The following DNAJB14 variants were observed in gnomAD, a reference collection of about 807,000 sequenced individuals.
DNAJB14 encodes DnaJ heat shock protein family (Hsp40) member B14.
In DNAJB14, 22 loss-of-function variants were observed where a neutral mutation model predicts 48.4. That is an observed-to-expected ratio of 0.45 (90% CI 0.32 to 0.65). DNAJB14 has a LOEUF of 0.65. Among genes scored for constraint, DNAJB14 ranks in the 30% least tolerant of loss-of-function variants. The pLI is 0.03. For missense variants in DNAJB14, 319 were observed against 458.8 expected (o/e 0.70, Z 2.78); for synonymous variants, 142 against 158.7 (o/e 0.89, Z 0.79).
rs1396164040 is a variant in DNAJB14, at chr4:99,898,691, G to A, written c.*2337C>T. 2 of 151,890 alleles carry A rather than the reference G, an allele frequency of 1.3e-5. No homozygotes were observed. Among genetic ancestry groups the A allele is most frequent in the Admixed American group, 1.3e-4 (2 of 15,248 alleles). The allele number at this position is 151,890 out of a possible 1,614,324, so 9.4% of individuals were successfully genotyped here. On this transcript the variant is annotated 3_prime_UTR_variant, in exon 8 of 8. Coordinates refer to ENST00000442697, the MANE Select transcript of DNAJB14 (RefSeq NM_001031723.4). Reference sequence around the variant, plus strand: ...AGGAGCTAATAAAGCAATATTCAAAGATTGAGGACTTTTAGGTGGTCATTA... The same window carrying A: ...AGGAGCTAATAAAGCAATATTCAAAAATTGAGGACTTTTAGGTGGTCATTA...
At chr4:99,925,220 T>A (rs989701059) in intron 2 of DNAJB14, 1 of 161,264 alleles carries the variant, frequency 6.2e-6, no homozygotes, top group African/African-American at 2.4e-5. Flanking sequence ...ACAATGTAAA[T>A]GCTACGTAAA....
chr4:99,928,667 T>A (rs1726346738), intron 2 of DNAJB14: 2 of 379,304 alleles, frequency 5.3e-6, no homozygotes, highest in Non-Finnish European at 1.1e-5. Context: ...ACACCAGATT[T>A]AGGAGAGTCT....
At chr4:99,926,391 G>A (rs746474047) in intron 2 of DNAJB14, 2 of 152,166 alleles carry the variant, frequency 1.3e-5, no homozygotes, top group African/African-American at 2.4e-5. Flanking sequence ...ATGCTGTCAT[G>A]AAAATGTAGT....
chr4:99,908,182 T>TA (rs1314788980), intron 4 of DNAJB14, among the ~76,000 whole-genome samples: 1 of 148,990 alleles, frequency 6.7e-6, no homozygotes, highest in African/African-American at 2.6e-5. Context: ...ATAGTCTAGT[T>TA]AAAGTTAGCT....
chr4:99,905,579 CTT>C lies in DNAJB14; in HGVS notation c.842+16_842+17del. ...TAGCAACAATTCATTTTTTGTAAAA[CTT>C]CACTTGGCTACTTACGATCTGGGAT... On this transcript the variant is annotated intron_variant, in intron 6 of 7. Transcript: ENST00000442697. The C allele has an allele frequency of 6.3e-7, 1 of 1,581,156 alleles. No homozygotes were observed. Among genetic ancestry groups the C allele is most frequent in the Non-Finnish European group, 8.6e-7 (1 of 1,157,634 alleles).
At position 99,897,398 on chromosome 4, in the gene DNAJB14, T is replaced by C. The variant is rs1725171422; in HGVS notation, c.*3630A>G. 1.3e-5 allele frequency: 2 copies of C among 151,806 alleles called. No homozygotes were observed. Among genetic ancestry groups the C allele is most frequent in the South Asian group, 4.1e-4 (2 of 4,826 alleles). The allele number at this position is 151,806 out of a possible 1,614,324, so 9.4% of individuals were successfully genotyped here. A position where few individuals can be genotyped will look rare whatever the true frequency, so the allele number is the denominator to read the frequency against. On this transcript the variant is annotated 3_prime_UTR_variant, in exon 8 of 8. Coordinates refer to ENST00000442697, the MANE Select transcript of DNAJB14 (RefSeq NM_001031723.4). The stretch of plus-strand genomic sequence containing the variant: ...AAGGAGTATGTTTTGAATTAATGTT[T>C]TGAGGAAAAGTGTTTCCATTTATAT...
intron 2 of DNAJB14, chr4:99,924,854 A>AT (rs780975668): frequency 1.4e-6 from 2 of 1,441,024 alleles, no homozygotes; most frequent in Admixed American, 3.5e-5. Flanking sequence ...ATTTGACTGC[A>AT]TAAAAAACTG....
chr4:99,900,940 A>G lies in DNAJB14; in HGVS notation c.*88T>C, dbSNP rs1725275208. 5 of 1,427,112 alleles carry G rather than the reference A, an allele frequency of 3.5e-6. No homozygotes were observed. The highest frequency in any genetic ancestry group is 2.4e-5 in the East Asian group (1 of 40,968). 88.4% of individuals were successfully genotyped at this position (1,427,112 alleles called of 1,614,324 possible). ...TATTCAGTTTAGTTTTCAGTATCAA[A>G]TCTTTTCCTTCATCCCTCATGATGA... On this transcript the variant is annotated 3_prime_UTR_variant, in exon 8 of 8. Transcript: ENST00000442697.
intron 1 of DNAJB14, among the ~76,000 whole-genome samples, chr4:99,939,253 T>A (rs1294972704): frequency 1.3e-5 from 2 of 152,168 alleles, no homozygotes; most frequent in African/African-American, 2.4e-5. Flanking sequence ...TCCCAGCTAC[T>A]TGGGAGGCTA....
chr4:99,922,899 A>C, intron 3 of DNAJB14, 141 bp downstream of exon 3: 1 of 939,902 alleles, frequency 1.1e-6, no homozygotes, highest in East Asian at 2.8e-5. Context: ...GTTAATACTG[A>C]AGTTTTAAAG....
intron 1 of DNAJB14, among the ~76,000 whole-genome samples, chr4:99,934,782 A>ACC: frequency 8.3e-6 from 1 of 120,388 alleles, no homozygotes; most frequent in African/African-American, 3.2e-5. Flanking sequence ...ACAGAGCAAG[A>ACC]CTGTCTCAAA....
In DNAJB14 at chr4:99,897,326, TAC is replaced by T. The variant is rs1725169953; in HGVS notation, c.*3700_*3701del. On this transcript the variant is annotated 3_prime_UTR_variant, in exon 8 of 8. Coordinates refer to ENST00000442697, the MANE Select transcript of DNAJB14 (RefSeq NM_001031723.4). ...ATATCACATACCAACAGGAAAAAGTTACACATAGGGAATATACAAAAAATATG... is the reference window on the plus strand; with the variant it reads ...ATATCACATACCAACAGGAAAAAGTTACATAGGGAATATACAAAAAATATG... The T allele has an allele frequency of 6.6e-6, 1 of 151,660 alleles. No individual in the cohort carries two copies. The highest frequency in any genetic ancestry group is 1.5e-5 in the Non-Finnish European group (1 of 67,810). 9.4% of individuals were successfully genotyped at this position (151,660 alleles called of 1,614,324 possible).
At position 99,939,844 on chromosome 4, in the gene DNAJB14, C is replaced by A. The variant is rs530826015; in HGVS notation, c.133+6595G>T. On this transcript the variant is annotated intron_variant, in intron 1 of 7. Coordinates refer to ENST00000442697, the MANE Select transcript of DNAJB14 (RefSeq NM_001031723.4). ...CATGAGAATTTAGAACACATTGGAT[C>A]TTTTGGATTTATTAAATGTCTTAGC... Among the ~76,000 whole-genome samples the A allele has an allele frequency of 6.6e-5, 10 of 152,326 alleles. No homozygotes were observed. In the South Asian group the frequency reaches 2.1e-3, roughly 32 times the overall value.
At position 99,946,578 on chromosome 4, in the gene DNAJB14, C is replaced by T. The variant is rs1323229715; in HGVS notation, c.-7G>A. Reference sequence around the variant, plus strand: ...CATCCCTGTTCCCCTCCATAGCTTGCTCCTTCTTCCGTTTCCTCCGGCAGC... The same window carrying T: ...CATCCCTGTTCCCCTCCATAGCTTGTTCCTTCTTCCGTTTCCTCCGGCAGC... On this transcript the variant is annotated 5_prime_UTR_variant, in exon 1 of 8. Coordinates refer to ENST00000442697, the MANE Select transcript of DNAJB14 (RefSeq NM_001031723.4). 1.9e-6 allele frequency: 3 copies of T among 1,612,884 alleles called. No homozygotes were observed. The highest frequency in any genetic ancestry group is 2.5e-6 in the Non-Finnish European group (3 of 1,179,166).
intron 2 of DNAJB14, 26 bp downstream of exon 2, chr4:99,930,424 G>A (rs1446209792): frequency 6.5e-7 from 1 of 1,542,536 alleles, no homozygotes; most frequent in African/African-American, 1.4e-5. Flanking sequence ...AATTATGATT[G>A]AGATGTAAAC....
chr4:99,899,577 G>A lies in DNAJB14; in HGVS notation c.*1451C>T, dbSNP rs187271198. ...GTCATTTTAGCAGTTTTATTCAACA[G>A]ATGCCATAAATTAACTACATTCAGG... On this transcript the variant is annotated 3_prime_UTR_variant, in exon 8 of 8. Coordinates refer to ENST00000442697, the MANE Select transcript of DNAJB14 (RefSeq NM_001031723.4). 622 of 152,044 alleles carry A rather than the reference G, an allele frequency of 4.1e-3. 3 individuals carry two copies. Among genetic ancestry groups the A allele is most frequent in the African/African-American group, 0.014 (580 of 41,432 alleles). The allele number at this position is 152,044 out of a possible 1,614,324, so 9.4% of individuals were successfully genotyped here.
At chr4:99,905,456 TTAGA>T (rs1263941163) in intron 6 of DNAJB14, 137 bp downstream of exon 6, 4 of 563,706 alleles carry the variant, frequency 7.1e-6, no homozygotes, top group South Asian at 2.9e-5. Context: ...TTTTAAAAAA[TTAGA>T]TAGAAATTTA....
chr4:99,919,792 C>G (rs1173207586), intron 3 of DNAJB14, among the ~76,000 whole-genome samples: 1 of 152,120 alleles, frequency 6.6e-6, no homozygotes, highest in African/African-American at 2.4e-5. Flanking sequence ...TATATCTGTC[C>G]TATCTTCCTG....
At chr4:99,917,786 A>T (rs1372750483) in intron 3 of DNAJB14, among the ~76,000 whole-genome samples, 2 of 152,206 alleles carry the variant, frequency 1.3e-5, no homozygotes, top group Non-Finnish European at 2.9e-5. Flanking sequence ...TTCCTTCAGC[A>T]CTTGAAAAAT....
Sources: allele counts gnomAD v4.1 joint callset (sites outside exome capture counted in the v4.1 genomes callset), GRCh38; gene constraint gnomAD v4.1.1; transcripts MANE v1.5; gene names NCBI Gene and HGNC (gene_info 2026-07-23, HGNC 2026-07-21).